Variants in HPSE2 observed in about 807,000 individuals in gnomAD.
HPSE2 encodes the protein inactive heparanase-2.
HPSE2 carries 38 observed loss-of-function variants against 60.5 expected under a neutral mutation model. The observed-to-expected ratio is 0.63, with a 90% CI of 0.48 to 0.82. The LOEUF is 0.82. Among genes scored for constraint, HPSE2 ranks in the 40% least tolerant of loss-of-function variants. HPSE2 has a pLI of 0.00. For synonymous variants in HPSE2, 295 were observed against 293.2 expected (o/e 1.01, Z -0.06); for missense variants, 713 against 740.4 (o/e 0.96, Z 0.43).
chr10:98,757,570 A>G (rs1053902061), intron 3 of HPSE2, among the ~76,000 whole-genome samples: 4 of 152,104 alleles, frequency 2.6e-5, no homozygotes, highest in African/African-American at 9.7e-5. Context: ...CAAAAATGCA[A>G]TTCCATTCAC....
At chr10:98,677,950 C>T (rs1947687606) in intron 6 of HPSE2, among the ~76,000 whole-genome samples, 1 of 152,150 alleles carries the variant, frequency 6.6e-6, no homozygotes, top group Non-Finnish European at 1.5e-5. Context: ...TAATTCATAG[C>T]TGCTCTTTCA....
intron 3 of HPSE2, among the ~76,000 whole-genome samples, chr10:99,140,322 T>G (rs1845821755): frequency 6.6e-6 from 1 of 152,180 alleles, no homozygotes; most frequent in Non-Finnish European, 1.5e-5. Flanking sequence ...AGCCAACACA[T>G]GACAAGAATC....
the HPSE2 span, among the ~76,000 whole-genome samples, chr10:99,243,747 C>T: frequency 2.5e-3 from 381 of 152,154 alleles, no homozygotes; most frequent in Admixed American, 5.0e-3. Flanking sequence ...ACCAGCCTGG[C>T]CAACAAGGCA....
chr10:98,906,144 C>A (rs1953809709), intron 3 of HPSE2, among the ~76,000 whole-genome samples: 1 of 152,174 alleles, frequency 6.6e-6, no homozygotes, highest in African/African-American at 2.4e-5. Context: ...CTCACTGAGT[C>A]CTTGTTTAGG....
intron 2 of HPSE2, among the ~76,000 whole-genome samples, chr10:99,189,720 C>T (rs1012329810): frequency 1.3e-5 from 2 of 152,132 alleles, no homozygotes; most frequent in African/African-American, 4.8e-5. Flanking sequence ...TGCCTGTTTG[C>T]TTGGTTTTAT....
At chr10:99,180,831 A>G (rs1442249903) in intron 2 of HPSE2, among the ~76,000 whole-genome samples, 5 of 139,332 alleles carry the variant, frequency 3.6e-5, no homozygotes, top group Non-Finnish European at 7.7e-5. Flanking sequence ...CAGAAGTTGC[A>G]GTGAGCCAAG....
intron 3 of HPSE2, among the ~76,000 whole-genome samples, chr10:98,955,108 T>G (rs573363379): frequency 6.6e-6 from 1 of 151,878 alleles, no homozygotes; most frequent in South Asian, 2.1e-4. Context: ...AGACAAATGC[T>G]GATATAAGTG....
intron 2 of HPSE2, among the ~76,000 whole-genome samples, chr10:99,191,709 C>T (rs568076596): frequency 3.9e-5 from 6 of 152,310 alleles, no homozygotes; most frequent in East Asian, 3.9e-4. Flanking sequence ...AACTCATCAA[C>T]GCCCAGACAC....
chr10:98,962,923 T>G (rs2135240244), intron 3 of HPSE2, among the ~76,000 whole-genome samples: 1 of 152,316 alleles, frequency 6.6e-6, no homozygotes, highest in African/African-American at 2.4e-5. Flanking sequence ...ATTTCTTATA[T>G]TCCCTAAATA....
the HPSE2 span, among the ~76,000 whole-genome samples, chr10:99,308,048 C>T: frequency 1.3e-5 from 2 of 152,028 alleles, no homozygotes; most frequent in African/African-American, 2.4e-5. Context: ...CATTCAAAAA[C>T]TTATACATGA....
intron 2 of HPSE2, among the ~76,000 whole-genome samples, chr10:99,214,382 T>C (rs1174576308): frequency 6.6e-6 from 1 of 152,232 alleles, no homozygotes; most frequent in Non-Finnish European, 1.5e-5. Context: ...GGAAAACATA[T>C]GTCCATACAA....
chr10:98,644,995 T>C (rs148670024), intron 6 of HPSE2, among the ~76,000 whole-genome samples: 31 of 152,130 alleles, frequency 2.0e-4, no homozygotes, highest in African/African-American at 7.0e-4. Context: ...CAAGAAATGA[T>C]CTGGGTCTAA....
chr10:98,775,042 A>G (rs533850387), intron 3 of HPSE2, among the ~76,000 whole-genome samples: 1 of 152,362 alleles, frequency 6.6e-6, no homozygotes, highest in African/African-American at 2.4e-5. Flanking sequence ...GGGAGAAACA[A>G]CTGAGTCCTG....
At chr10:99,183,419 T>C (rs1037378626) in intron 2 of HPSE2, among the ~76,000 whole-genome samples, 1 of 152,230 alleles carries the variant, frequency 6.6e-6, no homozygotes, top group Non-Finnish European at 1.5e-5. Flanking sequence ...CTGACCTTTC[T>C]GCTGTTAAAG....
intron 3 of HPSE2, among the ~76,000 whole-genome samples, chr10:98,756,004 A>G (rs1949870560): frequency 6.6e-6 from 1 of 152,160 alleles, no homozygotes; most frequent in African/African-American, 2.4e-5. Flanking sequence ...CAAAAAAACA[A>G]AAAACAAACA....
At chr10:98,799,654 T>C (rs1950861361) in intron 3 of HPSE2, among the ~76,000 whole-genome samples, 1 of 151,766 alleles carries the variant, frequency 6.6e-6, no homozygotes, top group African/African-American at 2.4e-5. Context: ...TACAAACACA[T>C]GGAAATTAAA....
At chr10:98,507,352 T>C (rs1202247707) in intron 9 of HPSE2, among the ~76,000 whole-genome samples, 1 of 152,108 alleles carries the variant, frequency 6.6e-6, no homozygotes, top group Non-Finnish European at 1.5e-5. Context: ...ACATGAAAAG[T>C]TTTATATTAT....
At chr10:98,529,749 A>C (rs147206673) in intron 9 of HPSE2, among the ~76,000 whole-genome samples, 55 of 152,172 alleles carry the variant, frequency 3.6e-4, no homozygotes, top group African/African-American at 1.2e-3. Flanking sequence ...ATTACCACCA[A>C]ATCTATGCAT....
chr10:98,955,309 A>G (rs1402868182), intron 3 of HPSE2, among the ~76,000 whole-genome samples: 1 of 152,238 alleles, frequency 6.6e-6, no homozygotes, highest in Non-Finnish European at 1.5e-5. Context: ...ACGTGAACAG[A>G]TATTTCCCAA....
Sources: gnomAD v4.1 joint callset for allele counts (sites outside exome capture counted in the v4.1 genomes callset) on GRCh38, gnomAD v4.1.1 for gene constraint, MANE v1.5 for transcripts, NCBI Gene and HGNC (gene_info 2026-07-23, HGNC 2026-07-21) for gene names.